RCBTB1: variants seen among roughly 807,000 people sequenced by gnomAD.
RCBTB1 encodes RCC1 and BTB domain-containing protein 1.
Under a neutral mutation model 62.4 loss-of-function variants are expected in RCBTB1, and 46 were observed. The ratio of observed to expected loss-of-function variants is 0.74; its 90% CI spans 0.58 to 0.94. The LOEUF is 0.94. Ranked by LOEUF, RCBTB1 falls within the 40% of genes least tolerant of loss-of-function variation. RCBTB1 has a pLI of 0.00. For synonymous variants in RCBTB1, 222 were observed against 245.8 expected, an observed-to-expected ratio of 0.90 and a Z score of 0.91; for missense variants, 565 against 654.9, an observed-to-expected ratio of 0.86 and a Z score of 1.50.
In RCBTB1 at chr13:49,566,756, C is replaced by T. The variant is rs1344848137; in HGVS notation, c.139G>A (p.Gly47Arg). ...CCTAGACAGTTACTATAGTTCAGTC[C>T]AAATACAAAGACCTAGAAAATAGAT... ...VTDNDEVFVF[G>R]LNYSNCLGTG... Residue 47 changes from glycine to arginine, a missense_variant, in exon 4 of 13, where the codon GGA becomes AGA. Gly to Arg is a moderately radical substitution (Grantham distance 125, BLOSUM62 -2). Transcript: ENST00000378302. 3.7e-6 allele frequency: 6 copies of T among 1,605,420 alleles called. No homozygotes were observed. Among genetic ancestry groups the T allele is most frequent in the Non-Finnish European group, 5.1e-6 (6 of 1,177,410 alleles).
chr13:49,544,133 A>C (rs1264396029), intron 10 of RCBTB1, among the ~76,000 whole-genome samples: 1 of 152,244 alleles, frequency 6.6e-6, no homozygotes, highest in African/African-American at 2.4e-5. Flanking sequence ...CCACGTAAAT[A>C]AATTTTCTGA....
chr13:49,551,639 G>T (rs1196546562), intron 7 of RCBTB1, among the ~76,000 whole-genome samples, 171 bp from the exon 8 acceptor site: 2 of 152,220 alleles, frequency 1.3e-5, no homozygotes, highest in Non-Finnish European at 2.9e-5. Context: ...GGTGGCTCAT[G>T]CCTGTAATCC....
Position 49,541,772 on chromosome 13 carries a change from C to G in RCBTB1, c.1228G>C (p.Val410Leu). 1 of 1,614,158 alleles carries G rather than the reference C, an allele frequency of 6.2e-7. No homozygotes were observed. Among genetic ancestry groups the G allele is most frequent in the South Asian group, 1.1e-5 (1 of 91,074 alleles). Residue 410 changes from valine to leucine, a missense_variant, in exon 11 of 13, where the codon GTG (valine) becomes CTG (leucine). Coordinates refer to ENST00000378302, the MANE Select transcript of RCBTB1 (RefSeq NM_018191.4). ...QSYWNEDMKE[V>L]IEIDQFSYPV... ...TAAGAAAACTGATCGATTTCTATCA[C>G]TTCCTTCATGTCTTCATTCCAATAC...
intron 4 of RCBTB1, among the ~76,000 whole-genome samples, chr13:49,562,266 T>A (rs779593127): frequency 3.9e-5 from 6 of 152,056 alleles, no homozygotes; most frequent in Non-Finnish European, 8.8e-5. Context: ...AAATTTGACA[T>A]AAGCGTTGTA....
Position 49,559,814 on chromosome 13 carries a change from A to G in RCBTB1, c.444+104T>C, listed in dbSNP as rs1182083420. On this transcript the variant is annotated intron_variant, in intron 5 of 12. Transcript: ENST00000378302. Reference sequence around the variant, plus strand: ...TGACAAGGTGAACATACTTAACACCACTGAACTATACACTTAAAACTGGTG... The same window carrying G: ...TGACAAGGTGAACATACTTAACACCGCTGAACTATACACTTAAAACTGGTG... 3.8e-6 allele frequency: 4 copies of G among 1,039,952 alleles called. No homozygotes were observed. In the African/African-American group the frequency reaches 6.6e-5, roughly 17 times the overall value. 64.4% of individuals were successfully genotyped at this position (1,039,952 alleles called of 1,614,324 possible). A position where few individuals can be genotyped will look rare whatever the true frequency, so the allele number is the denominator to read the frequency against.
chr13:49,543,254 T>A (rs1409013), intron 10 of RCBTB1, among the ~76,000 whole-genome samples: 143,038 of 152,042 alleles, frequency 0.94, 67,317 homozygotes, highest in African/African-American at 0.95. Flanking sequence ...ACAGAATGAG[T>A]CTCTGTCTCA....
intron 12 of RCBTB1, among the ~76,000 whole-genome samples, chr13:49,540,605 G>C (rs1353782540): frequency 5.3e-5 from 8 of 152,236 alleles, no homozygotes; most frequent in Non-Finnish European, 7.3e-5. Context: ...CCAATTAGTT[G>C]TGGCACCTTA....
At chr13:49,554,660 G>A (rs1961693281) in intron 6 of RCBTB1, among the ~76,000 whole-genome samples, 1 of 152,104 alleles carries the variant, frequency 6.6e-6, no homozygotes. Context: ...ATTCTCACAG[G>A]AGCACGAACC....
Position 49,567,313 on chromosome 13 carries a change from C to A in RCBTB1, c.-34G>T. The A allele has an allele frequency of 6.2e-7, 1 of 1,607,276 alleles. No homozygotes were observed. Among genetic ancestry groups the A allele is most frequent in the South Asian group, 1.1e-5 (1 of 90,370 alleles). ...CTTCAAGCAATTCCTATAAATAAGC[C>A]GACATCTCTGCTGGAACAGAAAGGA... is the stretch of plus-strand genomic sequence containing the variant. On this transcript the variant is annotated 5_prime_UTR_variant, in exon 3 of 13. Coordinates refer to ENST00000378302, the MANE Select transcript of RCBTB1 (RefSeq NM_018191.4).
At chr13:49,555,827 C>T (rs748253617) in intron 5 of RCBTB1, among the ~76,000 whole-genome samples, 154 bp from the exon 6 acceptor site, 3 of 152,198 alleles carry the variant, frequency 2.0e-5, no homozygotes, top group Non-Finnish European at 4.4e-5. Context: ...ACCTATTTAA[C>T]CTGCCTAGTA....
At chr13:49,541,621 T>C in intron 11 of RCBTB1, 55 bp downstream of exon 11, 1 of 1,500,502 alleles carries the variant, frequency 6.7e-7, no homozygotes, top group East Asian at 2.3e-5. Flanking sequence ...ACTAAGAATA[T>C]GAGGGGATAT....
intron 12 of RCBTB1, among the ~76,000 whole-genome samples, chr13:49,537,525 T>A (rs1960031285): frequency 6.6e-6 from 1 of 152,198 alleles, no homozygotes; most frequent in African/African-American, 2.4e-5. Context: ...GGGCTCACGT[T>A]TATCGCTTCC....
intron 2 of RCBTB1, among the ~76,000 whole-genome samples, chr13:49,570,857 T>G (rs1594337687): frequency 6.6e-6 from 1 of 152,324 alleles, no homozygotes; most frequent in East Asian, 1.9e-4. Flanking sequence ...AGATGAGGAC[T>G]GAGGCTCAAA....
At chr13:49,537,828 C>T (rs1960051917) in intron 12 of RCBTB1, 1 of 152,222 alleles carries the variant, frequency 6.6e-6, no homozygotes, top group African/African-American at 2.4e-5. Context: ...TGGACAGTTT[C>T]ATAACACGTT....
rs943545231 is a variant in RCBTB1 at position 49,532,800 on chromosome 13, G to A, written c.*1322C>T. 4.6e-5 allele frequency: 7 copies of A among 151,952 alleles called. No individual in the cohort carries two copies. Among genetic ancestry groups the A allele is most frequent in the Non-Finnish European group, 8.8e-5 (6 of 68,008 alleles). The allele number at this position is 151,952 out of a possible 1,614,324, so 9.4% of individuals were successfully genotyped here. On this transcript the variant is annotated 3_prime_UTR_variant, in exon 13 of 13. Transcript: ENST00000378302. ...CAGAAGAGAGACTTTCCAAGCAGGAGACAAAATTCACTAAGGGAACTCACT... is the reference window on the plus strand; with the variant it reads ...CAGAAGAGAGACTTTCCAAGCAGGAAACAAAATTCACTAAGGGAACTCACT...
chr13:49,556,939 T>G (rs9568256), intron 5 of RCBTB1, among the ~76,000 whole-genome samples: 37,248 of 152,058 alleles, frequency 0.24, 5,906 homozygotes, highest in African/African-American at 0.44. Context: ...CTCAAATACA[T>G]CACATTCCCT....
At chr13:49,560,861 A>C (rs1426253874) in intron 4 of RCBTB1, among the ~76,000 whole-genome samples, 1 of 152,204 alleles carries the variant, frequency 6.6e-6, no homozygotes, top group African/African-American at 2.4e-5. Flanking sequence ...ACTCAGGAAC[A>C]GCCAAATGGG....
rs1274366781 is a variant in RCBTB1, at chr13:49,551,335, T to C, written c.845A>G (p.Glu282Gly). ...NLLSPAHIMV[E>G]KERVVEIAAC... ...GGCACAGCCAAGTTACCTTTCTTTC[T>C]CCACCATGATGTGTGCTGGGCTTAG... is the stretch of plus-strand genomic sequence containing the variant. The change falls in exon 8 of 13, where the codon GAG (glutamate) becomes GGG (glycine). Residue 282 changes from glutamate (E) to glycine (G), a missense_variant. Coordinates refer to ENST00000378302, the MANE Select transcript of RCBTB1 (RefSeq NM_018191.4). 1.2e-6 allele frequency: 2 copies of C among 1,614,156 alleles called. No homozygotes were observed. Among genetic ancestry groups the C allele is most frequent in the Non-Finnish European group, 1.7e-6 (2 of 1,180,012 alleles).
At chr13:49,551,089 A>T in intron 8 of RCBTB1, 1 of 440,434 alleles carries the variant, frequency 2.3e-6, no homozygotes, top group Non-Finnish European at 4.0e-6. Context: ...GGTGACAGAG[A>T]CTCTGTCTCA....
Sources: gnomAD v4.1 joint callset for allele counts (sites outside exome capture counted in the v4.1 genomes callset) on GRCh38, gnomAD v4.1.1 for gene constraint, MANE v1.5 for transcripts, NCBI Gene and HGNC (gene_info 2026-07-23, HGNC 2026-07-21) for gene names.